The following SAP130 variants were observed in gnomAD, a reference collection of about 807,000 sequenced individuals.
SAP130 encodes Sin3A associated protein 130, also known as histone deacetylase complex subunit SAP130.
In SAP130, 16 loss-of-function variants were observed where a neutral mutation model predicts 103.2. The observed-to-expected ratio is 0.16, with a 90% CI of 0.10 to 0.24. SAP130 has a LOEUF of 0.24. SAP130 is among the 10% of genes least tolerant of loss of function. SAP130 has a pLI of 1.00. For synonymous variants in SAP130, 477 were observed against 497.0 expected (o/e 0.96, Z 0.53); for missense variants, 990 against 1,359.7 (o/e 0.73, Z 4.28).
intron 15 of SAP130, among the ~76,000 whole-genome samples, chr2:127,965,207 G>C (rs1333387211): frequency 1.3e-5 from 2 of 152,064 alleles, no homozygotes; most frequent in East Asian, 1.9e-4. Context: ...TGAGGCAGGA[G>C]AATCGCTTGA....
At position 128,006,474 on chromosome 2, in the gene SAP130, T is replaced by C. The variant is rs376349920; in HGVS notation, c.869+3795A>G. On this transcript the variant is annotated intron_variant, in intron 7 of 20. Coordinates refer to ENST00000643581, the MANE Select transcript of SAP130 (RefSeq NM_001330301.2). The stretch of plus-strand genomic sequence containing the variant: ...TTATCTGGCCCCTTTGAAGGTTTGG[T>C]AGAATTCTATGAAACCAAGGCTGGG... Among the ~76,000 whole-genome samples the C allele has an allele frequency of 2.0e-4, 30 of 152,272 alleles. No homozygotes were observed. In the South Asian group the frequency reaches 6.0e-3, roughly 31 times the overall value.
Position 127,981,079 on chromosome 2 carries a change from C to G in SAP130, c.1959-2990G>C, listed in dbSNP as rs376688809. 1.0e-3 allele frequency among the ~76,000 whole-genome samples: 154 copies of G among 152,018 alleles called. 4 individuals are homozygous for G. In the South Asian group the frequency reaches 0.031, roughly 30 times the overall value. ...CACCACGACCAGACCATTTCCTTCC[C>G]CTCCCACAGGCCTTACAATACAGTC... On this transcript the variant is annotated intron_variant, in intron 14 of 20. Coordinates refer to ENST00000643581, the MANE Select transcript of SAP130 (RefSeq NM_001330301.2).
intron 15 of SAP130, among the ~76,000 whole-genome samples, chr2:127,968,453 GGGA>G (rs1680832393): frequency 6.8e-6 from 1 of 146,520 alleles, no homozygotes; most frequent in Non-Finnish European, 1.5e-5. Flanking sequence ...ACAGGGTCTT[GGGA>G]GGAGGAGGTT....
At chr2:128,003,562 G>A (rs1336568052) in intron 7 of SAP130, among the ~76,000 whole-genome samples, 1 of 151,360 alleles carries the variant, frequency 6.6e-6, no homozygotes, top group Admixed American at 6.6e-5. Flanking sequence ...GATTCAGCCT[G>A]GGTGACAGAG....
rs1379214812 is a variant in SAP130, at chr2:128,000,082, T to A, written c.1082A>T (p.Asn361Ile). The A allele has an allele frequency of 6.2e-7, 1 of 1,614,128 alleles. No homozygotes were observed. The change falls in exon 9 of 21, where the codon AAC (asparagine) becomes ATC (isoleucine). Residue 361 changes from asparagine to isoleucine, a missense_variant. By Grantham distance (149) the Asn-to-Ile change is moderately radical (BLOSUM62 -3). This residue lies in a region of SAP130 where 336 missense variants were observed against 520.1 expected (regional missense o/e 0.65). Coordinates refer to ENST00000643581, the MANE Select transcript of SAP130 (RefSeq NM_001330301.2). ...AATVAPILAT[N>I]TIPSATTAGS... ...AGCTGTGGTCGCTGAAGGAATGGTG[T>A]TGGTTGCCAAAATAGGTGCTACTGT...
At chr2:127,994,587 A>G (rs1016162335) in intron 11 of SAP130, among the ~76,000 whole-genome samples, 5 of 151,752 alleles carry the variant, frequency 3.3e-5, no homozygotes, top group African/African-American at 1.2e-4. Flanking sequence ...GTGAGACCTC[A>G]TCTCTACAAA....
chr2:127,980,562 G>C (rs1225615605), intron 14 of SAP130, among the ~76,000 whole-genome samples: 1 of 152,154 alleles, frequency 6.6e-6, no homozygotes, highest in Non-Finnish European at 1.5e-5. Flanking sequence ...GCACAAAAAT[G>C]TTCAGGGTAT....
In SAP130 at chr2:127,986,508, T is replaced by C. The variant is rs1309363779; in HGVS notation, c.1958+277A>G. Among the ~76,000 whole-genome samples, 3 of 152,202 alleles carry C rather than the reference T, an allele frequency of 2.0e-5. No homozygotes were observed. Among genetic ancestry groups the C allele is most frequent in the African/African-American group, 7.2e-5 (3 of 41,452 alleles). ...CTTATAAACTACTTTAAAAGTTCTA[T>C]GATTGAAGTTCCAGAACTAGAGAGA... On this transcript the variant is annotated intron_variant, in intron 14 of 20. Coordinates refer to ENST00000643581, the MANE Select transcript of SAP130 (RefSeq NM_001330301.2). The surrounding 1 kb of genome is among the most constrained non-coding windows in gnomAD (Gnocchi z 4.7).
In SAP130 at chr2:127,989,953, C is replaced by A. The variant is rs1397213103; in HGVS notation, c.1478-87G>T. The A allele has an allele frequency of 2.5e-6, 3 of 1,210,394 alleles. No homozygotes were observed. Among genetic ancestry groups the A allele is most frequent in the Non-Finnish European group, 2.3e-6 (2 of 865,670 alleles). The allele number at this position is 1,210,394 out of a possible 1,614,324, so 75.0% of individuals were successfully genotyped here. A position where few individuals can be genotyped will look rare whatever the true frequency, so the allele number is the denominator to read the frequency against. The stretch of plus-strand genomic sequence containing the variant: ...AGAGAGAAACACTAAAAACGGATTT[C>A]CTCCACTGTATAAGATCTAAATCCA... On this transcript the variant is annotated intron_variant, in intron 12 of 20. Coordinates refer to ENST00000643581, the MANE Select transcript of SAP130 (RefSeq NM_001330301.2). This position sits in a 1 kb window ranked among gnomAD's most constrained non-coding sequence, Gnocchi z 4.6.
In SAP130 at chr2:128,000,432, G is replaced by A; in HGVS notation, c.892C>T (p.His298Tyr). Residue 298 changes from histidine (H) to tyrosine (Y), a missense_variant, in exon 8 of 21, where the codon CAT becomes TAT. Coordinates refer to ENST00000643581, the MANE Select transcript of SAP130 (RefSeq NM_001330301.2). The stretch of plus-strand genomic sequence containing the variant: ...ATACTGATTGCTGCAGATGGAGGAT[G>A]CTGGATAGACAAGGTTGGCCTACTG... The part of the protein sequence containing the change: ...ALSRPTLSIQ[H>Y]PPSAAISIQR... 6.2e-7 allele frequency: 1 copy of A among 1,614,174 alleles called. No individual in the cohort carries two copies.
At chr2:127,962,892 A>T (rs1013433317) in intron 15 of SAP130, among the ~76,000 whole-genome samples, 5 of 97,072 alleles carry the variant, frequency 5.2e-5, no homozygotes, top group Non-Finnish European at 1.3e-4. Flanking sequence ...AATAAAATTA[A>T]AAAAAAAAAA....
chr2:127,999,050 C>T (rs1029731162), intron 10 of SAP130, among the ~76,000 whole-genome samples: 15 of 152,106 alleles, frequency 9.9e-5, no homozygotes, highest in Admixed American at 8.5e-4. Context: ...CAGAAGGTTA[C>T]GGGAAAAATT....
chr2:128,011,422 T>C (rs1236797690), intron 6 of SAP130, among the ~76,000 whole-genome samples: 2 of 152,196 alleles, frequency 1.3e-5, no homozygotes, highest in Non-Finnish European at 1.5e-5. Flanking sequence ...CCCTGAAACA[T>C]GCATCTAAAT....
chr2:128,025,478 C>T (rs1288741092), intron 2 of SAP130, among the ~76,000 whole-genome samples: 1 of 152,148 alleles, frequency 6.6e-6, no homozygotes, highest in African/African-American at 2.4e-5. Flanking sequence ...TCCATGGGTT[C>T]CCTGATGTGA....
intron 12 of SAP130, among the ~76,000 whole-genome samples, chr2:127,990,223 T>C (rs1040510476): frequency 6.6e-6 from 1 of 152,170 alleles, no homozygotes; most frequent in Non-Finnish European, 1.5e-5. Flanking sequence ...ACCTCTGCTT[T>C]AATTGATAGG....
At chr2:127,963,338 T>C (rs932141118) in intron 15 of SAP130, among the ~76,000 whole-genome samples, 13 of 152,182 alleles carry the variant, frequency 8.5e-5, no homozygotes, top group Non-Finnish European at 5.9e-5. Flanking sequence ...CAAGCAATCC[T>C]TCCACCTAAG....
intron 18 of SAP130, among the ~76,000 whole-genome samples, chr2:127,947,460 T>C (rs146679432): frequency 6.6e-6 from 1 of 152,370 alleles, no homozygotes; most frequent in Non-Finnish European, 1.5e-5. Context: ...TTTTTACATC[T>C]ATATTCATGA....
intron 15 of SAP130, among the ~76,000 whole-genome samples, chr2:127,970,333 G>C (rs1047456763): frequency 6.6e-6 from 1 of 150,908 alleles, no homozygotes; most frequent in African/African-American, 2.4e-5. Context: ...ATGAGATCAG[G>C]AGATCAAGAC....
intron 4 of SAP130, among the ~76,000 whole-genome samples, chr2:128,016,030 C>G (rs1330951434): frequency 6.6e-6 from 1 of 151,880 alleles, no homozygotes; most frequent in Admixed American, 6.6e-5. Flanking sequence ...AGAGAAACCA[C>G]AGAGCAGCAC....
Sources: allele counts gnomAD v4.1 joint callset (sites outside exome capture counted in the v4.1 genomes callset), GRCh38; gene constraint gnomAD v4.1.1; regional missense constraint gnomAD v4.1.1; non-coding constraint Gnocchi (gnomAD v3.1); transcripts MANE v1.5; gene names NCBI Gene and HGNC (gene_info 2026-07-23, HGNC 2026-07-21).